TSPAN18: variants seen among roughly 807,000 people sequenced by gnomAD.
TSPAN18 encodes tetraspanin 18.
A neutral mutation model predicts 27.3 loss-of-function variants in TSPAN18; 14 were observed. That is an observed-to-expected ratio of 0.51 (90% CI 0.34 to 0.80). The LOEUF (loss-of-function observed/expected upper bound fraction) is 0.80, where lower values mean the gene tolerates loss of function less well. TSPAN18 is among the 30% of genes least tolerant of loss of function. The probability of loss-of-function intolerance (pLI) is 0.01; values close to 1 mark genes in which losing one functional copy is unlikely to be tolerated. For missense variants in TSPAN18, 268 were observed against 323.9 expected (o/e 0.83, Z 1.32); for synonymous variants, 143 against 136.5 (o/e 1.05, Z -0.33).
intron 1 of TSPAN18, among the ~76,000 whole-genome samples, chr11:44,761,184 G>A (rs1460447594): frequency 1.3e-5 from 2 of 152,228 alleles, no homozygotes; most frequent in African/African-American, 2.4e-5. Flanking sequence ...GCAAGATCAA[G>A]TCTGGGGCTG....
intron 5 of TSPAN18, among the ~76,000 whole-genome samples, chr11:44,912,491 G>A (rs1164066163): frequency 1.3e-5 from 2 of 152,064 alleles, no homozygotes; most frequent in Non-Finnish European, 2.9e-5. Flanking sequence ...GGCAAAGGAC[G>A]CTTGGATCAA....
chr11:44,884,300 C>T (rs760734706), intron 3 of TSPAN18, among the ~76,000 whole-genome samples: 4 of 152,216 alleles, frequency 2.6e-5, no homozygotes, highest in East Asian at 3.8e-4. Flanking sequence ...GCAGGCGGAC[C>T]GAAGCTGCCC....
At chr11:44,794,858 T>A (rs1187646716) in intron 2 of TSPAN18, among the ~76,000 whole-genome samples, 2 of 152,152 alleles carry the variant, frequency 1.3e-5, no homozygotes, top group African/African-American at 4.8e-5. Context: ...AGAGAATGAA[T>A]GTATGTGACT....
chr11:44,912,849 C>T (rs552840439), intron 5 of TSPAN18, among the ~76,000 whole-genome samples: 5 of 147,476 alleles, frequency 3.4e-5, no homozygotes, highest in African/African-American at 1.3e-4. Flanking sequence ...GTCATGTGTG[C>T]GTGGGTGCAC....
At chr11:44,903,454 A>C (rs368367073) in intron 3 of TSPAN18, 20 of 456,556 alleles carry the variant, frequency 4.4e-5, no homozygotes, top group African/African-American at 3.0e-4. Context: ...GGTCTGTAGG[A>C]GGCAGCTTGG....
At chr11:44,862,485 C>CGG (rs1857923866) in intron 3 of TSPAN18, among the ~76,000 whole-genome samples, 1 of 152,222 alleles carries the variant, frequency 6.6e-6, no homozygotes, top group Non-Finnish European at 1.5e-5. Context: ...CAGCACCACC[C>CGG]TGCCTTATAT....
chr11:44,865,225 C>G (rs189774197), intron 3 of TSPAN18, among the ~76,000 whole-genome samples: 2 of 152,290 alleles, frequency 1.3e-5, no homozygotes, highest in Non-Finnish European at 2.9e-5. Flanking sequence ...CTTGCAAACG[C>G]CAGCTCTGAG....
chr11:44,846,612 G>GTGTGTGTGTGTGTGTCTA (rs1268460593), intron 2 of TSPAN18, among the ~76,000 whole-genome samples: 74 of 152,216 alleles, frequency 4.9e-4, no homozygotes, highest in African/African-American at 1.5e-3. Flanking sequence ...GTGTTTGTGT[G>GTGTGTGTGTGTGTGTCTA]TGTGTCTATG....
intron 2 of TSPAN18, among the ~76,000 whole-genome samples, chr11:44,773,504 T>C (rs1855737099): frequency 6.6e-6 from 1 of 152,154 alleles, no homozygotes; most frequent in Non-Finnish European, 1.5e-5. Context: ...TTTTTTTTTC[T>C]CAAAGCAGAG....
intron 3 of TSPAN18, among the ~76,000 whole-genome samples, chr11:44,894,620 G>A (rs950821777): frequency 4.6e-5 from 7 of 152,222 alleles, no homozygotes; most frequent in African/African-American, 9.6e-5. Flanking sequence ...TGTCTGGCCC[G>A]GGCAGGGGTC....
intron 1 of TSPAN18, among the ~76,000 whole-genome samples, chr11:44,763,860 A>G (rs751685847): frequency 2.0e-5 from 3 of 152,142 alleles, no homozygotes; most frequent in Non-Finnish European, 4.4e-5. Context: ...GTATTAGTCC[A>G]TTCTTGCACT....
intron 2 of TSPAN18, among the ~76,000 whole-genome samples, chr11:44,812,703 CA>C (rs1476920568): frequency 6.6e-6 from 1 of 152,122 alleles, no homozygotes; most frequent in African/African-American, 2.4e-5. Flanking sequence ...AGGCACAGAC[CA>C]GGTTCATGAA....
chr11:44,907,122 A>G (rs1859481829), intron 4 of TSPAN18, among the ~76,000 whole-genome samples: 1 of 110,366 alleles, frequency 9.1e-6, no homozygotes, highest in Non-Finnish European at 1.9e-5. Context: ...CATCTAGCCT[A>G]TGGATTCTGT....
At chr11:44,794,957 A>G (rs922550418) in intron 2 of TSPAN18, among the ~76,000 whole-genome samples, 1 of 152,324 alleles carries the variant, frequency 6.6e-6, no homozygotes, top group South Asian at 2.1e-4. Flanking sequence ...AATCAGTGGG[A>G]AAAATGATGC....
chr11:44,752,606 A>G (rs553113873), intron 1 of TSPAN18, among the ~76,000 whole-genome samples: 1 of 152,350 alleles, frequency 6.6e-6, no homozygotes, highest in Admixed American at 6.5e-5. Context: ...GTATGCATAC[A>G]TATATCTCTA....
intron 1 of TSPAN18, among the ~76,000 whole-genome samples, chr11:44,739,760 C>T (rs1854886587): frequency 2.6e-5 from 4 of 150,970 alleles, no homozygotes; most frequent in Admixed American, 2.6e-4. Flanking sequence ...TTACACCAGT[C>T]TCTGGGCCCA....
At chr11:44,846,133 G>T (rs921587991) in intron 2 of TSPAN18, among the ~76,000 whole-genome samples, 7 of 152,216 alleles carry the variant, frequency 4.6e-5, no homozygotes, top group African/African-American at 1.7e-4. Context: ...AGCCCTATGA[G>T]CGGTGGGTCT....
intron 2 of TSPAN18, among the ~76,000 whole-genome samples, chr11:44,847,047 C>T (rs1487919078): frequency 1.3e-5 from 2 of 152,164 alleles, no homozygotes; most frequent in African/African-American, 4.8e-5. Context: ...AGCAGAGGAG[C>T]CGCTTGCTGT....
At position 44,919,946 on chromosome 11, in the gene TSPAN18, C is replaced by G. The variant is rs1315863995; in HGVS notation, c.562C>G (p.Leu188Val). ...RREPQSRDGV[L>V]LSREECLLGR... The stretch of plus-strand genomic sequence containing the variant: ...GGAACCCCAAAGTCGGGACGGGGTC[C>G]TGCTGAGCCGGGAGGAGTGCCTCCT... The change falls in exon 8 of 10, where the codon CTG becomes GTG. Residue 188 changes from leucine (L) to valine (V), a missense_variant. Physicochemically the swap from Leu to Val is conservative, Grantham distance 32. Transcript: ENST00000520358. 2.5e-6 allele frequency: 4 copies of G among 1,614,066 alleles called. No individual in the cohort carries two copies.
Sources: allele counts gnomAD v4.1 joint callset (sites outside exome capture counted in the v4.1 genomes callset), GRCh38; gene constraint gnomAD v4.1.1; transcripts MANE v1.5; gene names NCBI Gene and HGNC (gene_info 2026-07-23, HGNC 2026-07-21).